The following HIVEP3 variants were observed in gnomAD, a reference collection of about 807,000 sequenced individuals.
HIVEP3 encodes the protein HIVEP zinc finger 3, also known as transcription factor HIVEP3.
In HIVEP3, 49 loss-of-function variants were observed where a neutral mutation model predicts 152.8. That is an observed-to-expected ratio of 0.32 (90% CI 0.26 to 0.41). The LOEUF is 0.41. HIVEP3 is among the 10% of genes least tolerant of loss of function. The pLI, the probability that HIVEP3 is intolerant of heterozygous loss-of-function variation, is 1.00. For missense variants in HIVEP3, 2,790 were observed against 3,103.3 expected (o/e 0.90, Z 2.40); for synonymous variants, 1,269 against 1,289.0 (o/e 0.98, Z 0.33).
chr1:41,946,421 C>G (rs1354641803), intron 1 of HIVEP3, among the ~76,000 whole-genome samples: 2 of 149,422 alleles, frequency 1.3e-5, no homozygotes, highest in Non-Finnish European at 3.0e-5. Flanking sequence ...CTCAGTCTTA[C>G]TTTCCTGTCC....
intron 2 of HIVEP3, among the ~76,000 whole-genome samples, chr1:41,663,735 C>T (rs942340808): frequency 6.6e-6 from 1 of 152,190 alleles, no homozygotes; most frequent in African/African-American, 2.4e-5. Context: ...TGCAGAGAGT[C>T]AAGGCAGGTG....
intron 1 of HIVEP3, among the ~76,000 whole-genome samples, chr1:41,718,148 C>T (rs1646622878): frequency 6.6e-6 from 1 of 152,232 alleles, no homozygotes; most frequent in Non-Finnish European, 1.5e-5. Flanking sequence ...GGCATCCAGC[C>T]CATTTTAAAG....
At chr1:41,629,629 C>T (rs576820563) in intron 2 of HIVEP3, among the ~76,000 whole-genome samples, 1 of 152,252 alleles carries the variant, frequency 6.6e-6, no homozygotes, top group South Asian at 2.1e-4. Flanking sequence ...CGAATAGACA[C>T]TTCTCAAAAC....
At chr1:41,529,103 C>T (rs1334286243) in intron 5 of HIVEP3, among the ~76,000 whole-genome samples, 1 of 139,328 alleles carries the variant, frequency 7.2e-6, no homozygotes, top group African/African-American at 2.7e-5. Context: ...CACCCTCACA[C>T]ATGCTCACAC....
chr1:41,822,473 T>G (rs552912735), intron 1 of HIVEP3, among the ~76,000 whole-genome samples: 1 of 152,312 alleles, frequency 6.6e-6, no homozygotes, highest in East Asian at 1.9e-4. Context: ...GCCACTGTCC[T>G]TCTTTGATTG....
At chr1:41,579,235 T>C (rs1277146339) in intron 4 of HIVEP3, among the ~76,000 whole-genome samples, 1 of 152,192 alleles carries the variant, frequency 6.6e-6, no homozygotes, top group East Asian at 1.9e-4. Context: ...GAGTTGTTTG[T>C]GCCAAATTCT....
intron 1 of HIVEP3, among the ~76,000 whole-genome samples, chr1:41,855,116 G>A (rs1444451672): frequency 7.1e-6 from 1 of 141,468 alleles, no homozygotes; most frequent in African/African-American, 2.7e-5. Flanking sequence ...TTCCACAATG[G>A]TTGAACTAGT....
chr1:41,875,723 C>T (rs1354578918), intron 1 of HIVEP3, among the ~76,000 whole-genome samples: 4 of 152,234 alleles, frequency 2.6e-5, no homozygotes, highest in Admixed American at 6.5e-5. Flanking sequence ...CTGTGCCTGG[C>T]AGGTGCCCCG....
intron 1 of HIVEP3, among the ~76,000 whole-genome samples, chr1:41,994,158 GA>G (rs1247031603): frequency 1.5e-5 from 2 of 137,398 alleles, no homozygotes; most frequent in South Asian, 2.3e-4. Context: ...AATAATAAAA[GA>G]AAAAAATAAA....
In HIVEP3 at chr1:41,582,175, G is replaced by A. The variant is rs146058739; in HGVS notation, c.2623C>T (p.Pro875Ser). 186 of 1,614,000 alleles carry A rather than the reference G, an allele frequency of 1.2e-4. 1 individual carries two copies. In the African/African-American group the frequency reaches 2.1e-3, roughly 18 times the overall value. The change falls in exon 4 of 9, where the codon CCT (proline) becomes TCT (serine). Residue 875 changes from proline (P) to serine (S), a missense_variant. Around this residue, in one of 9 missense-constraint regions of HIVEP3, gnomAD observed 1,078 missense variants for 1,165.3 expected, o/e 0.93. Transcript: ENST00000372583. The surrounding 1 kb of genome is among the most constrained non-coding windows in gnomAD (Gnocchi z 4.7). ...DRPDTEPEPP[P>S]KEPEKTEEFQ... ...TCCTCAGTCTTCTCAGGTTCCTTAG[G>A]GGGCGGCTCTGGCTCTGTGTCCGGC...
At position 41,971,638 on chromosome 1, in the gene HIVEP3, C is replaced by G. The variant is rs180831779; in HGVS notation, n.120-53114G>C. Among the ~76,000 whole-genome samples the G allele has an allele frequency of 1.2e-4, 19 of 152,292 alleles. No individual in the cohort carries two copies. The East Asian group carries it at 3.5e-3, about 28-fold the overall frequency. On this transcript the variant is annotated intron_variant and non_coding_transcript_variant, in intron 1 of 3. Transcript: ENST00000489103. Reference sequence around the variant, plus strand: ...TAAAAAGATCAATAAATTGGTAAACCTGTACATATTCAAAGCATCTCAGGA... The same window carrying G: ...TAAAAAGATCAATAAATTGGTAAACGTGTACATATTCAAAGCATCTCAGGA...
chr1:41,957,145 A>T (rs896993082), intron 1 of HIVEP3, among the ~76,000 whole-genome samples: 3 of 152,210 alleles, frequency 2.0e-5, no homozygotes, highest in African/African-American at 7.2e-5. Flanking sequence ...ATACTTTCTT[A>T]AAGTCTACCT....
At chr1:41,699,192 G>A (rs1043571296) in intron 2 of HIVEP3, among the ~76,000 whole-genome samples, 2 of 152,204 alleles carry the variant, frequency 1.3e-5, no homozygotes, top group Non-Finnish European at 2.9e-5. Flanking sequence ...CTGGCCTCTC[G>A]CTTGAGCTCT....
chr1:41,789,590 A>T (rs906499013), intron 1 of HIVEP3, among the ~76,000 whole-genome samples: 1 of 152,260 alleles, frequency 6.6e-6, no homozygotes, highest in Non-Finnish European at 1.5e-5. Context: ...TGTTTAGGTC[A>T]AAGCTAAGTA....
intron 1 of HIVEP3, among the ~76,000 whole-genome samples, chr1:41,769,284 C>T (rs979689760): frequency 1.3e-5 from 2 of 152,306 alleles, no homozygotes; most frequent in Middle Eastern, 3.4e-3. Context: ...GCCAACCCTA[C>T]GGGGGGTTAG....
intron 1 of HIVEP3, among the ~76,000 whole-genome samples, chr1:41,747,620 T>C (rs1159896286): frequency 6.6e-6 from 1 of 152,226 alleles, no homozygotes; most frequent in Non-Finnish European, 1.5e-5. Context: ...TGCAGTTTGA[T>C]TTTAGTTTTT....
upstream of HIVEP3, among the ~76,000 whole-genome samples, chr1:41,919,059 T>G (rs983867652): frequency 2.0e-5 from 3 of 152,288 alleles, no homozygotes; most frequent in Middle Eastern, 3.4e-3. Context: ...AAGGATTTCA[T>G]TTATTGGTGC....
chr1:41,558,237 T>A (rs1644000106), intron 5 of HIVEP3, among the ~76,000 whole-genome samples: 1 of 152,196 alleles, frequency 6.6e-6, no homozygotes, highest in East Asian at 1.9e-4. Flanking sequence ...GCATGCCCTA[T>A]GCTGGACGGC....
intron 1 of HIVEP3, among the ~76,000 whole-genome samples, chr1:41,983,093 G>A (rs1243863725): frequency 1.3e-5 from 2 of 152,214 alleles, no homozygotes; most frequent in Non-Finnish European, 2.9e-5. Flanking sequence ...ACCCCTACGA[G>A]AATCTAATGC....
Sources: gnomAD v4.1 joint callset for allele counts (sites outside exome capture counted in the v4.1 genomes callset) on GRCh38, gnomAD v4.1.1 for gene constraint, gnomAD v4.1.1 regional missense constraint, Gnocchi (gnomAD v3.1) non-coding constraint, MANE v1.5 for transcripts, NCBI Gene and HGNC (gene_info 2026-07-23, HGNC 2026-07-21) for gene names.